The following PREX1 variants were observed in gnomAD, a reference collection of about 807,000 sequenced individuals.
PREX1 encodes phosphatidylinositol 3,4,5-trisphosphate-dependent Rac exchanger 1 protein.
PREX1 carries 41 observed loss-of-function variants against 198.3 expected under a neutral mutation model. That is an observed-to-expected ratio of 0.21 (90% CI 0.16 to 0.27). The LOEUF is 0.27. Among genes scored for constraint, PREX1 ranks in the 10% least tolerant of loss-of-function variants. PREX1 has a pLI of 1.00. For missense variants in PREX1, 1,620 were observed against 2,200.7 expected (o/e 0.74, Z 5.28); for synonymous variants, 843 against 887.2 (o/e 0.95, Z 0.89).
intron 17 of PREX1, 103 bp from the exon 18 acceptor site, chr20:48,657,291 A>C: frequency 7.2e-7 from 1 of 1,387,772 alleles, no homozygotes; most frequent in Non-Finnish European, 9.9e-7. Context: ...TGCTGGCCCA[A>C]GGGATCCAGC....
intron 33 of PREX1, among the ~76,000 whole-genome samples, chr20:48,633,577 A>G (rs4128342): frequency 0.21 from 31,935 of 151,966 alleles, 3,343 homozygotes; most frequent in South Asian, 0.25. Context: ...AGGCCTCTGG[A>G]CTCCACCTCC....
intron 1 of PREX1, among the ~76,000 whole-genome samples, chr20:48,767,248 C>G (rs1365400898): frequency 2.0e-5 from 3 of 152,244 alleles, no homozygotes; most frequent in Admixed American, 1.3e-4. Context: ...CAACCAGCCA[C>G]ACCACAGACT....
At chr20:48,671,048 T>C (rs2089671897) in intron 14 of PREX1, among the ~76,000 whole-genome samples, 1 of 152,198 alleles carries the variant, frequency 6.6e-6, no homozygotes, top group Non-Finnish European at 1.5e-5. Flanking sequence ...TTTAAAGAAC[T>C]CTGATTGTCT....
At chr20:48,647,712 G>A (rs2089461908) in intron 25 of PREX1, among the ~76,000 whole-genome samples, 1 of 152,106 alleles carries the variant, frequency 6.6e-6, no homozygotes. Context: ...ATAAGTAGCA[G>A]GGCCAGGATT....
intron 1 of PREX1, among the ~76,000 whole-genome samples, chr20:48,790,380 CG>C (rs933149824): frequency 1.3e-4 from 19 of 151,504 alleles, no homozygotes; most frequent in Non-Finnish European, 2.6e-4. Context: ...AAAGTAGGAA[CG>C]GAAGAGAGGA....
At chr20:48,670,983 T>C (rs1160203204) in intron 14 of PREX1, among the ~76,000 whole-genome samples, 1 of 152,254 alleles carries the variant, frequency 6.6e-6, no homozygotes, top group Non-Finnish European at 1.5e-5. Flanking sequence ...GTTCCGGAGC[T>C]GACAGAGAGT....
At chr20:48,675,141 ATGGCC>A (rs1408165733) in intron 14 of PREX1, among the ~76,000 whole-genome samples, 1 of 152,196 alleles carries the variant, frequency 6.6e-6, no homozygotes, top group Non-Finnish European at 1.5e-5. Flanking sequence ...ATTGAGAGGT[ATGGCC>A]ATCAGGAGGG....
Position 48,739,921 on chromosome 20 carries a change from C to T in PREX1, c.414+5104G>A, listed in dbSNP as rs184124164. 1.5e-3 allele frequency among the ~76,000 whole-genome samples: 230 copies of T among 152,286 alleles called. 2 individuals are homozygous for T. The highest frequency in any genetic ancestry group is 6.8e-3 in the Middle Eastern group (2 of 294). The stretch of plus-strand genomic sequence containing the variant: ...GAGTGTTGTGAAGTTTTAATGAATG[C>T]ATATCTGTAAGGCACAGAGAACAGA... On this transcript the variant is annotated intron_variant, in intron 3 of 39. Transcript: ENST00000371941.
chr20:48,649,190 A>G, intron 25 of PREX1, 110 bp downstream of exon 25: 1 of 1,448,190 alleles, frequency 6.9e-7, no homozygotes, highest in South Asian at 1.3e-5. Context: ...TATAATGTCC[A>G]GGACAGCCCA....
intron 3 of PREX1, among the ~76,000 whole-genome samples, chr20:48,743,789 C>G (rs779685765): frequency 1.3e-4 from 20 of 152,236 alleles, no homozygotes; most frequent in Admixed American, 5.2e-4. Flanking sequence ...AGTGGCTCAG[C>G]AGCCTGGCCA....
At position 48,734,670 on chromosome 20, in the gene PREX1, C is replaced by T. The variant is rs371134303; in HGVS notation, c.415-20G>A. ...GTCCTTCTGCAAGACAAGGACAGAGCCTGTGGGAGGCAGGTCATGGTAGCA... is the reference window on the plus strand; with the variant it reads ...GTCCTTCTGCAAGACAAGGACAGAGTCTGTGGGAGGCAGGTCATGGTAGCA... On this transcript the variant is annotated intron_variant, in intron 3 of 39. Transcript: ENST00000371941. 1.5e-5 allele frequency: 24 copies of T among 1,607,946 alleles called. No homozygotes were observed. In the Middle Eastern group the frequency reaches 6.6e-4, roughly 44 times the overall value.
At chr20:48,799,391 G>A (rs77400402) in intron 1 of PREX1, among the ~76,000 whole-genome samples, 6,681 of 152,156 alleles carry the variant, frequency 0.044, 181 homozygotes, top group African/African-American at 0.053. Context: ...GAAAACGTTC[G>A]AAACATCCCT....
At position 48,827,288 on chromosome 20, in the gene PREX1, G is replaced by A. The variant is rs938909228; in HGVS notation, c.219+354C>T. ...TAGTTATTCCTGGGAAAAAGACGCA[G>A]GAGCGCCAGCTCCCGGCGCCGCCGG... On this transcript the variant is annotated intron_variant, in intron 1 of 39. Coordinates refer to ENST00000371941, the MANE Select transcript of PREX1 (RefSeq NM_020820.4). The surrounding 1 kb of genome is among the most constrained non-coding windows in gnomAD (Gnocchi z 4.1). 6.6e-6 allele frequency among the ~76,000 whole-genome samples: 1 copy of A among 152,274 alleles called. No individual in the cohort carries two copies. The highest frequency in any genetic ancestry group is 1.5e-5 in the Non-Finnish European group (1 of 68,054).
chr20:48,764,833 G>A (rs991135052), intron 1 of PREX1, among the ~76,000 whole-genome samples: 17 of 151,374 alleles, frequency 1.1e-4, no homozygotes, highest in Non-Finnish European at 2.9e-5. Context: ...GTAGGAGAGT[G>A]AGTGCCAGGG....
chr20:48,649,820 C>T (rs1484049327), intron 24 of PREX1, among the ~76,000 whole-genome samples, 176 bp downstream of exon 24: 1 of 152,224 alleles, frequency 6.6e-6, no homozygotes, highest in Non-Finnish European at 1.5e-5. Flanking sequence ...CAGCAGATAT[C>T]ATCCACAAGG....
At position 48,627,761 on chromosome 20, in the gene PREX1, C is replaced by T. The variant is rs1252113075; in HGVS notation, c.4869+100G>A. 6 of 1,403,552 alleles carry T rather than the reference C, an allele frequency of 4.3e-6. No individual in the cohort carries two copies. In the South Asian group the frequency reaches 6.2e-5, roughly 15 times the overall value. 86.9% of individuals were successfully genotyped at this position (1,403,552 alleles called of 1,614,324 possible). A position where few individuals can be genotyped will look rare whatever the true frequency, so the allele number is the denominator to read the frequency against. On this transcript the variant is annotated intron_variant, in intron 38 of 39. Coordinates refer to ENST00000371941, the MANE Select transcript of PREX1 (RefSeq NM_020820.4). Reference sequence around the variant, plus strand: ...CTCCAGATTCAGAGAAGGCTCAGGTCTGGGGCTGGTGGCTACCAGCCCCTC... The same window carrying T: ...CTCCAGATTCAGAGAAGGCTCAGGTTTGGGGCTGGTGGCTACCAGCCCCTC...
At chr20:48,740,551 C>T (rs1396530373) in intron 3 of PREX1, among the ~76,000 whole-genome samples, 2 of 152,174 alleles carry the variant, frequency 1.3e-5, no homozygotes, top group African/African-American at 4.8e-5. Flanking sequence ...GGGGTGGAGC[C>T]TCTGCAACCT....
intron 3 of PREX1, among the ~76,000 whole-genome samples, chr20:48,741,909 G>C (rs925176883): frequency 2.0e-5 from 3 of 152,218 alleles, no homozygotes; most frequent in Non-Finnish European, 4.4e-5. Flanking sequence ...AGAGCCAGGG[G>C]AGCAAGTTCC....
intron 4 of PREX1, among the ~76,000 whole-genome samples, chr20:48,734,158 A>G (rs1168369428): frequency 6.6e-6 from 1 of 152,132 alleles, no homozygotes; most frequent in Non-Finnish European, 1.5e-5. Flanking sequence ...AATAATTACT[A>G]CTCTTGCTGC....
Sources: gnomAD v4.1 joint callset for allele counts (sites outside exome capture counted in the v4.1 genomes callset) on GRCh38, gnomAD v4.1.1 for gene constraint, Gnocchi (gnomAD v3.1) non-coding constraint, MANE v1.5 for transcripts, NCBI Gene and HGNC (gene_info 2026-07-23, HGNC 2026-07-21) for gene names.